Variants in KCTD8 observed in about 807,000 individuals in gnomAD.
KCTD8 encodes BTB/POZ domain-containing protein KCTD8.
In KCTD8, 27 loss-of-function variants were observed where a neutral mutation model predicts 31.5. That is an observed-to-expected ratio of 0.86 (90% CI 0.63 to 1.18). KCTD8 has a LOEUF of 1.18. Ranked by LOEUF, KCTD8 falls within the 50% of genes most tolerant of loss-of-function variation. KCTD8 has a pLI of 0.00. For synonymous variants in KCTD8, 290 were observed against 280.0 expected, an observed-to-expected ratio of 1.04 and a Z score of -0.36; for missense variants, 658 against 647.7, an observed-to-expected ratio of 1.02 and a Z score of -0.17.
chr4:44,408,482 C>T (rs1720858627), intron 1 of KCTD8, among the ~76,000 whole-genome samples: 1 of 151,808 alleles, frequency 6.6e-6, no homozygotes, highest in Admixed American at 6.6e-5. Context: ...AAAACAAAAA[C>T]AAAAAAAATT....
intron 1 of KCTD8, among the ~76,000 whole-genome samples, chr4:44,245,690 T>C (rs1715643743): frequency 6.6e-6 from 1 of 151,932 alleles, no homozygotes; most frequent in African/African-American, 2.4e-5. Context: ...ATGTTAATAT[T>C]CCAATAACCA....
At chr4:44,419,585 G>A (rs547025897) in intron 1 of KCTD8, among the ~76,000 whole-genome samples, 5 of 151,964 alleles carry the variant, frequency 3.3e-5, no homozygotes, top group Non-Finnish European at 5.9e-5. Context: ...ATCATTCTCA[G>A]CAAACTATCA....
chr4:44,364,143 T>C (rs1719569753), intron 1 of KCTD8, among the ~76,000 whole-genome samples: 1 of 152,072 alleles, frequency 6.6e-6, no homozygotes, highest in South Asian at 2.1e-4. Flanking sequence ...ACAATGAAAA[T>C]GCAAGTCATA....
chr4:44,274,855 T>C (rs1716708695), intron 1 of KCTD8, among the ~76,000 whole-genome samples: 1 of 151,938 alleles, frequency 6.6e-6, no homozygotes, highest in African/African-American at 2.4e-5. Flanking sequence ...TCCACTATTT[T>C]GCCTTCTGAA....
chr4:44,213,176 T>G (rs1714545390), intron 1 of KCTD8, among the ~76,000 whole-genome samples: 1 of 152,216 alleles, frequency 6.6e-6, no homozygotes, highest in African/African-American at 2.4e-5. Flanking sequence ...GACCTCGTGA[T>G]CCGCCTGCCT....
chr4:44,299,216 T>C (rs568788980), intron 1 of KCTD8, among the ~76,000 whole-genome samples: 1 of 152,300 alleles, frequency 6.6e-6, no homozygotes, highest in East Asian at 1.9e-4. Flanking sequence ...AATACATATG[T>C]AAAATCTCAT....
rs183270394 is a variant in KCTD8, at chr4:44,264,699, C to T, written c.962-89449G>A. 2.0e-4 allele frequency among the ~76,000 whole-genome samples: 31 copies of T among 152,274 alleles called. No individual in the cohort carries two copies. In the East Asian group the frequency reaches 4.3e-3, roughly 21 times the overall value. The stretch of plus-strand genomic sequence containing the variant: ...CTCCCCCCCGAATACTGCTCTTTTC[C>T]GATGGGCTTAGGAAATGGCACACCA... On this transcript the variant is annotated intron_variant, in intron 1 of 1. Transcript: ENST00000360029.
intron 1 of KCTD8, among the ~76,000 whole-genome samples, chr4:44,440,847 T>G (rs2109484146): frequency 6.6e-6 from 1 of 152,250 alleles, no homozygotes; most frequent in South Asian, 2.1e-4. Context: ...CAGAGAAGTG[T>G]GAAGGATTCT....
chr4:44,362,507 G>A lies in KCTD8; in HGVS notation c.961+85056C>T, dbSNP rs556212105. 1.7e-3 allele frequency among the ~76,000 whole-genome samples: 257 copies of A among 152,176 alleles called. 2 individuals are homozygous for A. The highest frequency in any genetic ancestry group is 3.1e-3 in the Non-Finnish European group (211 of 67,966). On this transcript the variant is annotated intron_variant, in intron 1 of 1. Transcript: ENST00000360029. ...TGGCTCCTATAATAATATGAGCAGG[G>A]TAGCATTTGTGGAAGATCAAATAGT...
intron 1 of KCTD8, among the ~76,000 whole-genome samples, chr4:44,327,839 C>T (rs1718488677): frequency 6.6e-6 from 1 of 151,728 alleles, no homozygotes; most frequent in Non-Finnish European, 1.5e-5. Flanking sequence ...AAAGTTTAAT[C>T]TATCATTACA....
At chr4:44,296,542 T>C (rs959627716) in intron 1 of KCTD8, among the ~76,000 whole-genome samples, 1 of 152,120 alleles carries the variant, frequency 6.6e-6, no homozygotes, top group Non-Finnish European at 1.5e-5. Context: ...AATTTACATA[T>C]CTGTTCTGTT....
At position 44,174,793 on chromosome 4, in the gene KCTD8, T is replaced by C. The variant is rs748043233; in HGVS notation, c.1419A>G (p.Leu473=). 1 of 1,594,884 alleles carries C rather than the reference T, an allele frequency of 6.3e-7. No individual in the cohort carries two copies. Among genetic ancestry groups the C allele is most frequent in the Non-Finnish European group, 8.5e-7 (1 of 1,169,998 alleles). ...TACTGCAGGAATGTGACAATTACTA[T>C]AACCCATACTTCTGCAACAGTTCAG... ...WQSELLQKYG[L] The change falls in exon 2 of 2, where the codon TTA becomes TTG. Residue 473 remains leucine (L), a synonymous_variant. Coordinates refer to ENST00000360029, the MANE Select transcript of KCTD8 (RefSeq NM_198353.3).
At chr4:44,206,756 T>G (rs1013025907) in intron 1 of KCTD8, among the ~76,000 whole-genome samples, 1 of 152,170 alleles carries the variant, frequency 6.6e-6, no homozygotes, top group African/African-American at 2.4e-5. Flanking sequence ...GAGTTTTGAC[T>G]TGGGCTTAAC....
Position 44,269,727 on chromosome 4 carries a change from A to G in KCTD8, c.962-94477T>C, listed in dbSNP as rs548961473. ...CAAACAACCCCATCAAAAAGTGGGC[A>G]AAGGATATGAACAGACACTTCTCAA... On this transcript the variant is annotated intron_variant, in intron 1 of 1. Coordinates refer to ENST00000360029, the MANE Select transcript of KCTD8 (RefSeq NM_198353.3). Among the ~76,000 whole-genome samples, 5 of 152,134 alleles carry G rather than the reference A, an allele frequency of 3.3e-5. 1 individual carries two copies. Among genetic ancestry groups the G allele is most frequent in the African/African-American group, 9.7e-5 (4 of 41,420 alleles).
intron 1 of KCTD8, among the ~76,000 whole-genome samples, chr4:44,178,036 T>C (rs931591196): frequency 1.3e-5 from 2 of 152,144 alleles, no homozygotes; most frequent in Non-Finnish European, 2.9e-5. Context: ...GCAATAAAAT[T>C]TGAAAATAAA....
intron 1 of KCTD8, among the ~76,000 whole-genome samples, chr4:44,301,642 G>A (rs1738957057): frequency 6.6e-6 from 1 of 152,106 alleles, no homozygotes; most frequent in Non-Finnish European, 1.5e-5. Flanking sequence ...AGTAGGTTGT[G>A]AAAATTTTCT....
At chr4:44,337,988 T>G (rs1718800945) in intron 1 of KCTD8, among the ~76,000 whole-genome samples, 2 of 151,992 alleles carry the variant, frequency 1.3e-5, no homozygotes, top group African/African-American at 4.8e-5. Context: ...CAAATAAAAT[T>G]ATATTGTGAA....
intron 1 of KCTD8, among the ~76,000 whole-genome samples, chr4:44,388,439 G>A (rs1720280517): frequency 1.3e-5 from 2 of 151,942 alleles, no homozygotes; most frequent in Admixed American, 1.3e-4. Context: ...CAATAGCAAA[G>A]ACATGGAATC....
intron 1 of KCTD8, among the ~76,000 whole-genome samples, chr4:44,250,846 CCAATT>C (rs1715808301): frequency 6.6e-6 from 1 of 151,708 alleles, no homozygotes; most frequent in Non-Finnish European, 1.5e-5. Context: ...AACATTTCCT[CCAATT>C]CAAAACTTGG....
Sources: allele counts gnomAD v4.1 joint callset (sites outside exome capture counted in the v4.1 genomes callset), GRCh38; gene constraint gnomAD v4.1.1; transcripts MANE v1.5; gene names NCBI Gene and HGNC (gene_info 2026-07-23, HGNC 2026-07-21).